Variants in LMO3 observed in about 807,000 individuals in gnomAD.
The protein encoded by LMO3 is LIM domain only 3.
A neutral mutation model predicts 15.8 loss-of-function variants in LMO3; 2 were observed. That is an observed-to-expected ratio of 0.13 (90% CI 0.05 to 0.40). The LOEUF (loss-of-function observed/expected upper bound fraction) is 0.40. LMO3 is among the 10% of genes least tolerant of loss of function. LMO3 has a pLI of 0.99. For synonymous variants in LMO3, 62 were observed against 63.8 expected (o/e 0.97, Z 0.13); for missense variants, 86 against 182.2 (o/e 0.47, Z 3.04).
chr12:16,590,610 A>G lies in LMO3; in HGVS notation c.206+10045T>C, dbSNP rs182235661. 9.9e-4 allele frequency among the ~76,000 whole-genome samples: 151 copies of G among 152,148 alleles called. No individual in the cohort carries two copies. The East Asian group carries it at 0.026, about 27-fold the overall frequency. On this transcript the variant is annotated intron_variant, in intron 2 of 3. Coordinates refer to ENST00000537304, the MANE Select transcript of LMO3 (RefSeq NM_018640.5). Reference sequence around the variant, plus strand: ...TTTGTATTACCTAAGAATTAAAAAAAAAAATCGGTATCATTGTGATCAGGA... The same window carrying G: ...TTTGTATTACCTAAGAATTAAAAAAGAAAATCGGTATCATTGTGATCAGGA...
chr12:16,608,926 G>A (rs1400276343), upstream of LMO3, among the ~76,000 whole-genome samples: 6 of 152,018 alleles, frequency 3.9e-5, no homozygotes, highest in Non-Finnish European at 8.8e-5. This position sits in a 1 kb window ranked among gnomAD's most constrained non-coding sequence, Gnocchi z 4.1. Context: ...AAGCTGACAG[G>A]GTATTACCTG....
At chr12:16,607,785 G>A (rs1944050903), upstream of LMO3, 1 of 148,046 alleles carries the variant, frequency 6.8e-6, no homozygotes. Flanking sequence ...CCCCCCATGA[G>A]TATTTAAGCT....
At chr12:16,592,312 T>A (rs911457560) in intron 2 of LMO3, among the ~76,000 whole-genome samples, 4 of 152,026 alleles carry the variant, frequency 2.6e-5, no homozygotes, top group African/African-American at 9.7e-5. Flanking sequence ...AAGAGATTCT[T>A]CTAGCTCAGG....
At chr12:16,609,853 T>A (rs1454115093), upstream of LMO3, 1 of 152,068 alleles carries the variant, frequency 6.6e-6, no homozygotes, top group Non-Finnish European at 1.5e-5. Context: ...TACTTTTGTG[T>A]GCGGGTGTTC....
At chr12:16,592,705 TGTAAG>T (rs964347566) in intron 2 of LMO3, among the ~76,000 whole-genome samples, 11 of 151,956 alleles carry the variant, frequency 7.2e-5, no homozygotes, top group Non-Finnish European at 1.5e-4. Context: ...TGCTTAATGT[TGTAAG>T]GTATTTTAAA....
At chr12:16,581,236 G>A (rs990160802) in intron 2 of LMO3, among the ~76,000 whole-genome samples, 3 of 152,170 alleles carry the variant, frequency 2.0e-5, no homozygotes, top group Non-Finnish European at 4.4e-5. Context: ...CTAGAGTACA[G>A]CTCATAAGGA....
At position 16,584,560 on chromosome 12, in the gene LMO3, A is replaced by G. The variant is rs1183366717; in HGVS notation, c.206+16095T>C. ...AAGGAATGGAAACAAGAGACGTTTT[A>G]GATTAACATTGGCAAGTGGAGGAGT... On this transcript the variant is annotated intron_variant, in intron 2 of 3. Transcript: ENST00000537304. The surrounding 1 kb of genome is among the most constrained non-coding windows in gnomAD (Gnocchi z 5.2). Among the ~76,000 whole-genome samples the G allele has an allele frequency of 2.0e-5, 3 of 151,934 alleles. No individual in the cohort carries two copies. In the East Asian group the frequency reaches 5.8e-4, roughly 29 times the overall value.
At chr12:16,594,607 T>C (rs943017032) in intron 2 of LMO3, among the ~76,000 whole-genome samples, 2 of 151,544 alleles carry the variant, frequency 1.3e-5, no homozygotes, top group Non-Finnish European at 3.0e-5. Context: ...GTTGGAAAAA[T>C]GTTTTCAAAC....
At chr12:16,607,161 T>TCCTTCCTC (rs3029721), upstream of LMO3, 13 of 151,552 alleles carry the variant, frequency 8.6e-5, no homozygotes, top group African/African-American at 1.2e-4. Flanking sequence ...ACACACACTC[T>TCCTTCCTC]CCTTCCTCCC....
rs974148016 is a variant in LMO3 at position 16,599,479 on chromosome 12, G to A, written c.206+1176C>T. ...TGAAAATAGCTGAATTATATACTAA[G>A]AACGACCAAATTCCCTAGAAAACAC... On this transcript the variant is annotated intron_variant, in intron 2 of 3. Transcript: ENST00000537304. This position sits in a 1 kb window ranked among gnomAD's most constrained non-coding sequence, Gnocchi z 4.1. 2 of 152,050 alleles carry A rather than the reference G, an allele frequency of 1.3e-5. No homozygotes were observed. Among genetic ancestry groups the A allele is most frequent in the African/African-American group, 4.8e-5 (2 of 41,370 alleles). 9.4% of individuals were successfully genotyped at this position (152,050 alleles called of 1,614,324 possible).
At chr12:16,594,426 G>T in intron 2 of LMO3, 1 of 513,880 alleles carries the variant, frequency 1.9e-6, no homozygotes, top group Non-Finnish European at 3.3e-6. Flanking sequence ...ATTGAACAGA[G>T]TATTGCTATT....
intron 1 of LMO3, 61 bp from the exon 2 acceptor site, chr12:16,600,929 A>C (rs1943803161): frequency 3.4e-5 from 40 of 1,166,996 alleles, no homozygotes; most frequent in Non-Finnish European, 4.6e-5. Flanking sequence ...AAAAGACCTC[A>C]AACAAGTTAA....
chr12:16,563,330 C>T (rs1942470511), intron 2 of LMO3, among the ~76,000 whole-genome samples: 1 of 151,910 alleles, frequency 6.6e-6, no homozygotes, highest in African/African-American at 2.4e-5. Flanking sequence ...TGGGACAAAC[C>T]CAGGATTCTC....
Position 16,551,318 on chromosome 12 carries a change from A to G in LMO3, c.342T>C (p.Val114=). ...TATTCTTTAGGAAAAATTTGTCTCCAACACAAAATCTGAAAATATTTTAAA... is the reference window on the plus strand; with the variant it reads ...TATTCTTTAGGAAAAATTTGTCTCCGACACAAAATCTGAAAATATTTTAAA... ...ACQLCNQRFC[V]GDKFFLKNNM... is the part of the protein sequence containing the mutation. The change falls in exon 4 of 4, where the codon GTT becomes GTC. Residue 114 remains valine, a synonymous_variant. Coordinates refer to ENST00000537304, the MANE Select transcript of LMO3 (RefSeq NM_018640.5). The G allele has an allele frequency of 1.9e-6, 3 of 1,595,874 alleles. No individual in the cohort carries two copies. The highest frequency in any genetic ancestry group is 2.6e-6 in the Non-Finnish European group (3 of 1,163,588).
rs146190160 is a variant in LMO3, at chr12:16,576,682, T to C, written c.207-16144A>G. 2.6e-5 allele frequency among the ~76,000 whole-genome samples: 4 copies of C among 152,346 alleles called. No homozygotes were observed. Among genetic ancestry groups the C allele is most frequent in the East Asian group, 3.9e-4 (2 of 5,182 alleles). ...ACACATGTGATGTTCATATGCTCCATAACTGCTGAATTAGAATGTAGAGAT... is the reference window on the plus strand; with the variant it reads ...ACACATGTGATGTTCATATGCTCCACAACTGCTGAATTAGAATGTAGAGAT... On this transcript the variant is annotated intron_variant, in intron 2 of 3. Coordinates refer to ENST00000537304, the MANE Select transcript of LMO3 (RefSeq NM_018640.5). This position sits in a 1 kb window ranked among gnomAD's most constrained non-coding sequence, Gnocchi z 4.1.
chr12:16,577,352 G>C (rs76562116), intron 2 of LMO3, among the ~76,000 whole-genome samples: 2 of 152,062 alleles, frequency 1.3e-5, no homozygotes, highest in South Asian at 2.1e-4. Context: ...TTCCATGAAG[G>C]CCTCCTAAAT....
rs1943269946 is a variant in LMO3 at position 16,584,914 on chromosome 12, A to G, written c.206+15741T>C. On this transcript the variant is annotated intron_variant, in intron 2 of 3. Coordinates refer to ENST00000537304, the MANE Select transcript of LMO3 (RefSeq NM_018640.5). The surrounding 1 kb of genome is among the most constrained non-coding windows in gnomAD (Gnocchi z 5.2). ...TCAAACACCTTAGCGAACTGTACAC[A>G]TTAAAGGGCCTGATCAGTTATCTGA... Among the ~76,000 whole-genome samples, 2 of 152,202 alleles carry G rather than the reference A, an allele frequency of 1.3e-5. No individual in the cohort carries two copies. Among genetic ancestry groups the G allele is most frequent in the South Asian group, 4.1e-4 (2 of 4,830 alleles).
intron 3 of LMO3, among the ~76,000 whole-genome samples, chr12:16,557,440 A>G (rs1198253684): frequency 6.6e-6 from 1 of 150,626 alleles, no homozygotes; most frequent in Non-Finnish European, 1.5e-5. Flanking sequence ...AGTTTTGTAG[A>G]TTTCTGCTAG....
In LMO3 at chr12:16,586,621, T is replaced by C. The variant is rs971019440; in HGVS notation, c.206+14034A>G. 6.6e-6 allele frequency among the ~76,000 whole-genome samples: 1 copy of C among 152,202 alleles called. No individual in the cohort carries two copies. Among genetic ancestry groups the C allele is most frequent in the African/African-American group, 2.4e-5 (1 of 41,458 alleles). The stretch of plus-strand genomic sequence containing the variant: ...GACGTCCTTTCTTGGCAGGACCACT[T>C]GTCTCCCAAAGCCTGTCCTAGGATG... On this transcript the variant is annotated intron_variant, in intron 2 of 3. Transcript: ENST00000537304. The surrounding 1 kb of genome is among the most constrained non-coding windows in gnomAD (Gnocchi z 4.3).
Sources: allele counts gnomAD v4.1 joint callset (sites outside exome capture counted in the v4.1 genomes callset), GRCh38; gene constraint gnomAD v4.1.1; non-coding constraint Gnocchi (gnomAD v3.1); transcripts MANE v1.5; gene names NCBI Gene and HGNC (gene_info 2026-07-23, HGNC 2026-07-21).